CSDE1: variants seen among roughly 807,000 people sequenced by gnomAD.
CSDE1 encodes the protein cold shock domain containing E1.
In CSDE1, 17 loss-of-function variants were observed where a neutral mutation model predicts 89.3. The observed-to-expected ratio is 0.19, with a 90% CI of 0.13 to 0.29. CSDE1 has a LOEUF of 0.29. Ranked by LOEUF, CSDE1 falls within the 10% of genes least tolerant of loss-of-function variation. The pLI is 1.00. For synonymous variants in CSDE1, 322 were observed against 332.8 expected (o/e 0.97, Z 0.35); for missense variants, 672 against 984.2 (o/e 0.68, Z 4.24).
At chr1:114,723,726 G>T (rs902228177) in intron 16 of CSDE1, among the ~76,000 whole-genome samples, 157 bp downstream of exon 16, 1 of 151,916 alleles carries the variant, frequency 6.6e-6, no homozygotes, top group Non-Finnish European at 1.5e-5. Context: ...ATTTTCAAGG[G>T]GTATAAAAAT....
chr1:114,747,883 T>A lies in CSDE1; in HGVS notation c.-1+1938A>T, dbSNP rs574675261. Among the ~76,000 whole-genome samples the A allele has an allele frequency of 4.6e-5, 7 of 152,092 alleles. No individual in the cohort carries two copies. The South Asian group carries it at 1.0e-3, about 23-fold the overall frequency. On this transcript the variant is annotated intron_variant, in intron 2 of 19. Transcript: ENST00000358528. ...AGAGAGGAAAAAAAAAAAAATCTAA[T>A]CTTTTATGCTTCAGAACATAAAATT...
intron 1 of CSDE1, among the ~76,000 whole-genome samples, chr1:114,756,479 T>C (rs1227219389): frequency 2.6e-5 from 4 of 152,196 alleles, no homozygotes; most frequent in Non-Finnish European, 5.9e-5. Context: ...TGCTCCTCAA[T>C]GCAATATCAA....
rs907314839 is a variant in CSDE1 at position 114,717,895 on chromosome 1, C to T, written c.*274G>A. On this transcript the variant is annotated 3_prime_UTR_variant, in exon 20 of 20. Coordinates refer to ENST00000358528, the MANE Select transcript of CSDE1 (RefSeq NM_001007553.3). ...AAGTGGATTCTGCAATTACCAGTTG[C>T]GTTAAATGCACCAAATAAAGCTCCT... The T allele has an allele frequency of 1.9e-5, 8 of 420,994 alleles. No homozygotes were observed. Among genetic ancestry groups the T allele is most frequent in the South Asian group, 4.7e-5 (1 of 21,422 alleles). The allele number at this position is 420,994 out of a possible 1,614,324, so 26.1% of individuals were successfully genotyped here. A position where few individuals can be genotyped will look rare whatever the true frequency, so the allele number is the denominator to read the frequency against.
chr1:114,736,056 A>T (rs974484130), intron 6 of CSDE1, among the ~76,000 whole-genome samples: 1 of 152,158 alleles, frequency 6.6e-6, no homozygotes, highest in African/African-American at 2.4e-5. Context: ...TTATGGTACC[A>T]TCATCTGCCC....
intron 10 of CSDE1, 66 bp downstream of exon 10, chr1:114,732,538 T>C: frequency 4.0e-6 from 6 of 1,483,336 alleles, no homozygotes; most frequent in South Asian, 1.2e-5. Flanking sequence ...AATTTAGTAG[T>C]ATAAACTTGA....
chr1:114,740,050 A>G (rs2101057946), intron 2 of CSDE1, 160 bp from the exon 3 acceptor site: 4 of 563,794 alleles, frequency 7.1e-6, no homozygotes, highest in East Asian at 5.7e-5. Flanking sequence ...AATTTAGCTA[A>G]TAAAACATTT....
At chr1:114,747,007 T>C (rs992962798) in intron 2 of CSDE1, 1 of 152,224 alleles carries the variant, frequency 6.6e-6, no homozygotes, top group African/African-American at 2.4e-5. Context: ...TGCTTTGCTA[T>C]GTTTCAAGTA....
chr1:114,732,908 T>C (rs1292332056), intron 9 of CSDE1, 92 bp from the exon 10 acceptor site: 1 of 1,119,452 alleles, frequency 8.9e-7, no homozygotes, highest in African/African-American at 1.6e-5. Context: ...ACCCATGTTA[T>C]TTTTAACTTA....
Position 114,730,383 on chromosome 1 carries a change from T to C in CSDE1, c.1231A>G (p.Lys411Glu). Residue 411 changes from lysine (K) to glutamate (E), a missense_variant, in exon 12 of 20, where the codon AAA becomes GAA. Around this residue, in one of 8 missense-constraint regions of CSDE1, gnomAD observed 169 missense variants for 262.9 expected, o/e 0.64. Transcript: ENST00000358528. ...GAAACCGTGCCCTTGGGAAGTTTTT[T>C]AATCCTAATAGCATGATTTCTTTGA... ...SAQRNHAIRI[K>E]KLPKGTVSFH... 1 of 1,614,212 alleles carries C rather than the reference T, an allele frequency of 6.2e-7. No homozygotes were observed.
chr1:114,725,210 C>G lies in CSDE1; in HGVS notation c.1753+11G>C. 1.2e-6 allele frequency: 2 copies of G among 1,609,558 alleles called. No homozygotes were observed. ...AAAGCACAGGCTGAATAAGAAGTCA[C>G]AATTTATTACCTGAGTGTGTTTTGT... On this transcript the variant is annotated intron_variant, in intron 15 of 19. Transcript: ENST00000358528.
chr1:114,720,814 T>C (rs1353679579), intron 16 of CSDE1, 97 bp from the exon 17 acceptor site: 2 of 1,035,550 alleles, frequency 1.9e-6, no homozygotes, highest in Non-Finnish European at 2.8e-6. Context: ...ATGTGTTATG[T>C]TACTTAAAAT....
rs904631930 is a variant in CSDE1, at chr1:114,745,947, T to A, written c.-1+3874A>T. 1.5e-4 allele frequency among the ~76,000 whole-genome samples: 23 copies of A among 152,214 alleles called. 1 individual carries two copies. The highest frequency in any genetic ancestry group is 5.3e-4 in the African/African-American group (22 of 41,464). ...AGTAAAGTGGGAGCACCTAACTGGT[T>A]TCCAAGTTCCTTTGGGGAGAGGGGG... is the stretch of plus-strand genomic sequence containing the variant. On this transcript the variant is annotated intron_variant, in intron 2 of 19. Coordinates refer to ENST00000358528, the MANE Select transcript of CSDE1 (RefSeq NM_001007553.3).
chr1:114,737,976 C>T lies in CSDE1; in HGVS notation c.296G>A (p.Arg99Gln). ...AAAGTCACTAACTTGTCCATTCATTCGTTCTTCAGGGAGGATTTCTTGTTT... is the reference window on the plus strand; with the variant it reads ...AAAGTCACTAACTTGTCCATTCATTTGTTCTTCAGGGAGGATTTCTTGTTT... ...KIKQEILPEE[R>Q]MNGQVVCAVP... Residue 99 changes from arginine to glutamine, a missense_variant, in exon 4 of 20, where the codon CGA becomes CAA. Arg to Gln is a conservative substitution (Grantham distance 43). Transcript: ENST00000358528. 45 of 1,611,856 alleles carry T rather than the reference C, an allele frequency of 2.8e-5. No individual in the cohort carries two copies. Among genetic ancestry groups the T allele is most frequent in the Middle Eastern group, 1.7e-4 (1 of 6,058 alleles).
chr1:114,750,997 AG>A (rs1661276942), intron 1 of CSDE1, among the ~76,000 whole-genome samples: 1 of 152,328 alleles, frequency 6.6e-6, no homozygotes, highest in East Asian at 1.9e-4. Context: ...TAGAACAGAG[AG>A]CTGGGCTGAA....
At chr1:114,725,951 C>A (rs751686554) in intron 14 of CSDE1, among the ~76,000 whole-genome samples, 5 of 152,186 alleles carry the variant, frequency 3.3e-5, no homozygotes, top group Non-Finnish European at 5.9e-5. Context: ...CTTACTCTTA[C>A]ACTACATTAT....
Position 114,732,683 on chromosome 1 carries a change from C to T in CSDE1, c.971G>A (p.Arg324Gln), listed in dbSNP as rs1004542230. 1 of 1,614,118 alleles carries T rather than the reference C, an allele frequency of 6.2e-7. No homozygotes were observed. The highest frequency in any genetic ancestry group is 8.5e-7 in the Non-Finnish European group (1 of 1,180,016). Residue 324 changes from arginine to glutamine, a missense_variant, in exon 10 of 20, where the codon CGA becomes CAA. Transcript: ENST00000358528. ...GGTTGCTCGCTCTAATTTGTCACGT[C>T]GGTCTGTTGAAATATTAAACCTAAC... ...DHVRFNISTD[R>Q]RDKLERATNI...
At chr1:114,744,423 A>G (rs1045642458) in intron 2 of CSDE1, among the ~76,000 whole-genome samples, 1 of 152,160 alleles carries the variant, frequency 6.6e-6, no homozygotes, top group African/African-American at 2.4e-5. Flanking sequence ...CTACAAAAAA[A>G]TACAAAAATT....
intron 6 of CSDE1, 107 bp downstream of exon 6, chr1:114,736,651 A>C: frequency 1.5e-6 from 1 of 660,242 alleles, no homozygotes; most frequent in Non-Finnish European, 2.6e-6. Flanking sequence ...AAGTTCATGA[A>C]AACTATCCAG....
intron 2 of CSDE1, 51 bp from the exon 3 acceptor site, chr1:114,739,941 G>A: frequency 6.9e-7 from 1 of 1,457,606 alleles, no homozygotes; most frequent in African/African-American, 1.4e-5. Context: ...TATCTCCATA[G>A]CATATTAAGT....
Sources: gnomAD v4.1 joint callset for allele counts (sites outside exome capture counted in the v4.1 genomes callset) on GRCh38, gnomAD v4.1.1 for gene constraint, gnomAD v4.1.1 regional missense constraint, MANE v1.5 for transcripts, NCBI Gene and HGNC (gene_info 2026-07-23, HGNC 2026-07-21) for gene names.